ATAD1: variants seen among roughly 807,000 people sequenced by gnomAD.
The protein encoded by ATAD1 is outer mitochondrial transmembrane helix translocase.
In ATAD1, 18 loss-of-function variants were observed where a neutral mutation model predicts 42.7. That is an observed-to-expected ratio of 0.42 (90% CI 0.29 to 0.63). ATAD1 has a LOEUF of 0.63. Among genes scored for constraint, ATAD1 ranks in the 20% least tolerant of loss-of-function variants. The pLI is 0.19. For synonymous variants in ATAD1, 132 were observed against 143.1 expected (o/e 0.92, Z 0.55); for missense variants, 294 against 440.4 (o/e 0.67, Z 2.98).
At chr10:87,781,961 T>C (rs904571181) in intron 5 of ATAD1, among the ~76,000 whole-genome samples, 4 of 152,114 alleles carry the variant, frequency 2.6e-5, no homozygotes, top group African/African-American at 7.2e-5. Flanking sequence ...TTGTTTTTTT[T>C]TTTAATGGGA....
At chr10:87,838,736 T>TTCTCTCTC (rs112302394) in intron 1 of ATAD1, among the ~76,000 whole-genome samples, 47 of 131,798 alleles carry the variant, frequency 3.6e-4, no homozygotes, top group Non-Finnish European at 7.6e-4. Flanking sequence ...CTCATTCATA[T>TTCTCTCTC]TCTCTCTCTC....
chr10:87,793,332 ACT>A (rs1856220469), intron 2 of ATAD1, among the ~76,000 whole-genome samples: 1 of 152,166 alleles, frequency 6.6e-6, no homozygotes, highest in African/African-American at 2.4e-5. Flanking sequence ...AATAAAAATA[ACT>A]CTAACAACCA....
chr10:87,810,360 G>A (rs1191432205), intron 2 of ATAD1, among the ~76,000 whole-genome samples: 1 of 151,346 alleles, frequency 6.6e-6, no homozygotes, highest in Non-Finnish European at 1.5e-5. Flanking sequence ...ATTTATTTTG[G>A]CACAATATAC....
chr10:87,826,552 G>T (rs544953929), intron 1 of ATAD1, among the ~76,000 whole-genome samples: 9 of 152,274 alleles, frequency 5.9e-5, no homozygotes, highest in Non-Finnish European at 1.0e-4. Flanking sequence ...AATAATTCTT[G>T]GCTGGCTAAA....
At chr10:87,820,870 C>G (rs1424156538), upstream of ATAD1, among the ~76,000 whole-genome samples, 1 of 152,152 alleles carries the variant, frequency 6.6e-6, no homozygotes, top group Non-Finnish European at 1.5e-5. Context: ...ATATGCTTTT[C>G]ATTCCAGGAT....
intron 2 of ATAD1, among the ~76,000 whole-genome samples, chr10:87,812,113 A>G (rs1857212595): frequency 6.6e-6 from 1 of 152,172 alleles, no homozygotes; most frequent in South Asian, 2.1e-4. Flanking sequence ...GGACTGTTGC[A>G]GTCTATCACC....
At chr10:87,825,528 C>T (rs1415178936) in intron 1 of ATAD1, among the ~76,000 whole-genome samples, 2 of 152,056 alleles carry the variant, frequency 1.3e-5, no homozygotes, top group African/African-American at 4.8e-5. Context: ...CCAGGATGGT[C>T]TCGATCTCCT....
intron 2 of ATAD1, among the ~76,000 whole-genome samples, chr10:87,807,301 C>T (rs978167169): frequency 2.0e-5 from 3 of 152,052 alleles, no homozygotes; most frequent in Admixed American, 6.5e-5. Context: ...CCTGGTTCTT[C>T]GCTATATGCC....
At chr10:87,786,174 A>G (rs557199071) in intron 4 of ATAD1, among the ~76,000 whole-genome samples, 22 of 152,342 alleles carry the variant, frequency 1.4e-4, no homozygotes, top group African/African-American at 5.3e-4. Flanking sequence ...AATTTAATAT[A>G]GAATGCATAT....
intron 2 of ATAD1, among the ~76,000 whole-genome samples, chr10:87,813,947 G>A (rs1482759155): frequency 5.9e-4 from 90 of 151,966 alleles, no homozygotes; most frequent in Non-Finnish European, 1.5e-4. Flanking sequence ...GAACACAAGA[G>A]GCAGCAGATA....
chr10:87,831,998 C>T (rs1279940706), intron 1 of ATAD1: 1 of 151,114 alleles, frequency 6.6e-6, no homozygotes, highest in African/African-American at 2.4e-5. Flanking sequence ...TGTACCTGGG[C>T]TATCTAATTC....
chr10:87,764,208 C>T (rs1352306247), intron 8 of ATAD1, among the ~76,000 whole-genome samples: 1 of 151,956 alleles, frequency 6.6e-6, no homozygotes, highest in East Asian at 1.9e-4. Flanking sequence ...GCCTGAAATC[C>T]CACTGCTATG....
intron 3 of ATAD1, 56 bp from the exon 4 acceptor site, chr10:87,790,486 A>G (rs1856046098): frequency 6.6e-7 from 1 of 1,504,856 alleles, no homozygotes; most frequent in Non-Finnish European, 8.8e-7. Context: ...TCACTAAAGT[A>G]AAAAGAACGC....
chr10:87,814,537 G>T lies in ATAD1; in HGVS notation c.63C>A (p.Phe21Leu), dbSNP rs768260429. ...TCACTGCACCAAATATTGTCAAACG[G>T]AAAATTAAACCAACAACTTCATTCC... ...LSRNEVVGLI[F>L]RLTIFGAVTY... Residue 21 changes from phenylalanine (F) to leucine (L), a missense_variant, in exon 2 of 10, where the codon TTC becomes TTA. This residue lies in a region of ATAD1 where 121 missense variants were observed against 187.3 expected (regional missense o/e 0.65). Transcript: ENST00000680024. The T allele has an allele frequency of 8.1e-6, 13 of 1,611,640 alleles. No individual in the cohort carries two copies. In the South Asian group the frequency reaches 1.4e-4, roughly 18 times the overall value.
At position 87,784,815 on chromosome 10, in the gene ATAD1, A is replaced by C. The variant is rs1436044835; in HGVS notation, c.383-145T>G. 6 of 751,266 alleles carry C rather than the reference A, an allele frequency of 8.0e-6. No homozygotes were observed. The African/African-American group carries it at 1.1e-4, about 13-fold the overall frequency. The allele number at this position is 751,266 out of a possible 1,614,324, so 46.5% of individuals were successfully genotyped here. A position where few individuals can be genotyped will look rare whatever the true frequency, so the allele number is the denominator to read the frequency against. On this transcript the variant is annotated intron_variant, in intron 4 of 9. Transcript: ENST00000680024. Reference sequence around the variant, plus strand: ...TTTAATCTTGTTTATAGTAGGTAAGATAGAAGAAAGGAAGATGCCATGTTC... The same window carrying C: ...TTTAATCTTGTTTATAGTAGGTAAGCTAGAAGAAAGGAAGATGCCATGTTC...
At chr10:87,790,910 C>T (rs1039650540) in intron 3 of ATAD1, among the ~76,000 whole-genome samples, 10 of 151,470 alleles carry the variant, frequency 6.6e-5, no homozygotes, top group Non-Finnish European at 1.3e-4. Context: ...ATGGACCAGG[C>T]GTGGTCGCTC....
chr10:87,818,319 C>T, upstream of ATAD1: 1 of 944,098 alleles, frequency 1.1e-6, no homozygotes. Context: ...AGGGGGCGTG[C>T]TCCCAGGCTT....
At chr10:87,771,408 T>C (rs1855024095) in intron 6 of ATAD1, among the ~76,000 whole-genome samples, 1 of 152,204 alleles carries the variant, frequency 6.6e-6, no homozygotes, top group African/African-American at 2.4e-5. Context: ...AAACCCATTA[T>C]GTTATAGCTT....
intron 7 of ATAD1, among the ~76,000 whole-genome samples, chr10:87,769,254 C>T (rs1272928810): frequency 1.3e-5 from 2 of 152,138 alleles, no homozygotes; most frequent in Non-Finnish European, 2.9e-5. Context: ...CACCTAAACC[C>T]AGAAGCAGTC....
Sources: allele counts gnomAD v4.1 joint callset (sites outside exome capture counted in the v4.1 genomes callset), GRCh38; gene constraint gnomAD v4.1.1; regional missense constraint gnomAD v4.1.1; transcripts MANE v1.5; gene names NCBI Gene and HGNC (gene_info 2026-07-23, HGNC 2026-07-21).